Variants in HMCN1 observed in about 807,000 individuals in gnomAD.
The protein encoded by HMCN1 is hemicentin-1.
Under a neutral mutation model 625.9 loss-of-function variants are expected in HMCN1, and 321 were observed. The observed-to-expected ratio is 0.51, with a 90% CI of 0.47 to 0.56. The LOEUF (loss-of-function observed/expected upper bound fraction) is 0.56. Ranked by LOEUF, HMCN1 falls within the 20% of genes least tolerant of loss-of-function variation. HMCN1 has a pLI of 0.00. For missense variants in HMCN1, 6,588 were observed against 6,887.3 expected (o/e 0.96, Z 1.54); for synonymous variants, 2,425 against 2,417.6 (o/e 1.00, Z -0.09).
At chr1:185,908,001 T>C (rs75339839) in intron 4 of HMCN1, among the ~76,000 whole-genome samples, 33 of 152,012 alleles carry the variant, frequency 2.2e-4, no homozygotes, top group African/African-American at 7.9e-4. Flanking sequence ...GTAGGAGATA[T>C]GGTTTTTGAT....
chr1:185,935,917 CTG>C (rs1667793478), intron 11 of HMCN1, among the ~76,000 whole-genome samples: 1 of 152,106 alleles, frequency 6.6e-6, no homozygotes, highest in Admixed American at 6.6e-5. Context: ...AAATGATAAA[CTG>C]TTGAGATTAA....
At chr1:185,960,424 C>A (rs543941464) in intron 11 of HMCN1, among the ~76,000 whole-genome samples, 2 of 152,050 alleles carry the variant, frequency 1.3e-5, no homozygotes, top group Non-Finnish European at 2.9e-5. Context: ...CCACCATGCC[C>A]GGCAATCAGC....
At position 186,129,940 on chromosome 1, in the gene HMCN1, C is replaced by T. The variant is rs181623008; in HGVS notation, c.12905-26C>T. On this transcript the variant is annotated intron_variant, in intron 83 of 106. Transcript: ENST00000271588. ...ATTTTTCCTAGGTTACTGAGAGGCA[C>T]TTGTGTTGTTTCTTGTTTCCCTCAG... 7.1e-5 allele frequency: 114 copies of T among 1,612,140 alleles called. 1 individual carries two copies. In the East Asian group the frequency reaches 2.4e-3, roughly 34 times the overall value.
intron 15 of HMCN1, among the ~76,000 whole-genome samples, chr1:185,975,363 C>T (rs1317717481): frequency 1.3e-5 from 2 of 152,080 alleles, no homozygotes; most frequent in South Asian, 4.1e-4. Context: ...ATAATCATGG[C>T]AGAAGGCAAA....
At chr1:186,188,617 G>A (rs538038265) in intron 106 of HMCN1, among the ~76,000 whole-genome samples, 1 of 152,284 alleles carries the variant, frequency 6.6e-6, no homozygotes, top group African/African-American at 2.4e-5. Context: ...TTGAAAACAA[G>A]TGATAATATT....
At chr1:185,797,157 T>A (rs775882216) in intron 1 of HMCN1, among the ~76,000 whole-genome samples, 1 of 152,256 alleles carries the variant, frequency 6.6e-6, no homozygotes, top group Non-Finnish European at 1.5e-5. Context: ...GCAAAATATA[T>A]GTTCATGTCC....
At position 186,087,603 on chromosome 1, in the gene HMCN1, G is replaced by T. The variant is rs1397388928; in HGVS notation, c.9321G>T (p.Glu3107Asp). 2 of 1,613,132 alleles carry T rather than the reference G, an allele frequency of 1.2e-6. No individual in the cohort carries two copies. The highest frequency in any genetic ancestry group is 3.3e-5 in the Admixed American group (2 of 59,924). The stretch of plus-strand genomic sequence containing the variant: ...TGATAACAGAGTCTACTCATGTGGA[G>T]ATTTTAGCTGATGGACAAATGCTAC... ...GRMITESTHVEILADGQMLHI... is the reference protein window; with the variant it reads ...GRMITESTHVDILADGQMLHI... Residue 3107 changes from glutamate (E) to aspartate (D), a missense_variant, in exon 60 of 107, where the codon GAG (glutamate) becomes GAT (aspartate). Glu to Asp is a conservative substitution (Grantham distance 45, BLOSUM62 2). Transcript: ENST00000271588.
intron 4 of HMCN1, among the ~76,000 whole-genome samples, chr1:185,896,658 A>C (rs926853000): frequency 4.6e-5 from 7 of 152,214 alleles, no homozygotes; most frequent in African/African-American, 1.7e-4. Context: ...ATGCCTCAAA[A>C]CTTTGGTCAA....
rs189951644 is a variant in HMCN1, at chr1:185,933,585, C to G, written c.1589C>G (p.Thr530Arg). The G allele has an allele frequency of 1.4e-5, 23 of 1,613,940 alleles. No individual in the cohort carries two copies. In the African/African-American group the frequency reaches 2.1e-4, roughly 15 times the overall value. ...GTCATCCAAGTGCCTAACAATGTTA[C>G]AGTCACTCCTGGAGAGAGAGCAGTT... is the stretch of plus-strand genomic sequence containing the variant. ...PPVIQVPNNVTVTPGERAVLT... is the reference protein window; with the variant it reads ...PPVIQVPNNVRVTPGERAVLT... Residue 530 changes from threonine (T) to arginine (R), a missense_variant, in exon 11 of 107, where the codon ACA (threonine) becomes AGA (arginine). Transcript: ENST00000271588.
chr1:185,970,596 G>A, intron 15 of HMCN1, 103 bp downstream of exon 15: 1 of 993,122 alleles, frequency 1.0e-6, no homozygotes, highest in Non-Finnish European at 1.6e-6. Context: ...CATCAGAATG[G>A]CAAAATTAGA....
chr1:186,173,509 C>T (rs546484204), intron 102 of HMCN1, among the ~76,000 whole-genome samples: 25 of 151,686 alleles, frequency 1.6e-4, no homozygotes, highest in East Asian at 3.9e-4. Flanking sequence ...GGCATGGTGG[C>T]GCATGCCTAT....
chr1:185,982,840 G>A (rs1445517938), intron 18 of HMCN1, among the ~76,000 whole-genome samples: 2 of 151,886 alleles, frequency 1.3e-5, no homozygotes, highest in Non-Finnish European at 2.9e-5. Context: ...GTATATCAAA[G>A]CTTTTCTTTA....
chr1:185,773,787 A>G (rs1656409709), intron 1 of HMCN1, among the ~76,000 whole-genome samples: 1 of 152,192 alleles, frequency 6.6e-6, no homozygotes, highest in African/African-American at 2.4e-5. Context: ...ATGTAGCATT[A>G]GAGCTTAGCA....
chr1:185,780,378 C>G (rs2102171122), intron 1 of HMCN1, among the ~76,000 whole-genome samples: 1 of 152,314 alleles, frequency 6.6e-6, no homozygotes, highest in South Asian at 2.1e-4. Context: ...GAACTTCCAA[C>G]ACTATGTTGA....
At chr1:185,763,435 A>G (rs535063565) in intron 1 of HMCN1, among the ~76,000 whole-genome samples, 1 of 152,296 alleles carries the variant, frequency 6.6e-6, no homozygotes, top group Non-Finnish European at 1.5e-5. Context: ...GACAAAAATG[A>G]TTTTATCTAA....
At chr1:186,131,632 C>T (rs558757163) in intron 85 of HMCN1, among the ~76,000 whole-genome samples, 2 of 152,226 alleles carry the variant, frequency 1.3e-5, no homozygotes, top group South Asian at 2.1e-4. Context: ...CAATCTACTA[C>T]CTGCAAATCA....
chr1:185,867,575 G>C (rs976099493), intron 4 of HMCN1, among the ~76,000 whole-genome samples: 3 of 152,124 alleles, frequency 2.0e-5, no homozygotes, highest in African/African-American at 4.8e-5. Context: ...ATGAGTTTCT[G>C]GGTGGGAGGT....
chr1:185,744,155 AT>A (rs201702552), intron 1 of HMCN1, among the ~76,000 whole-genome samples: 3,823 of 143,894 alleles, frequency 0.027, 132 homozygotes, highest in African/African-American at 0.08. Context: ...CACCCAGCTA[AT>A]TTTTTTTTTT....
chr1:186,145,642 A>G, intron 92 of HMCN1, 69 bp downstream of exon 92: 1 of 1,609,590 alleles, frequency 6.2e-7, no homozygotes, highest in Non-Finnish European at 8.5e-7. Flanking sequence ...TAGCAGGCCT[A>G]TTGCTTCAGA....
Sources: gnomAD v4.1 joint callset for allele counts (sites outside exome capture counted in the v4.1 genomes callset) on GRCh38, gnomAD v4.1.1 for gene constraint, MANE v1.5 for transcripts, NCBI Gene and HGNC (gene_info 2026-07-23, HGNC 2026-07-21) for gene names.